Variants in FBXL7 observed in about 807,000 individuals in gnomAD.
FBXL7 encodes the protein F-box and leucine rich repeat protein 7, also known as F-box/LRR-repeat protein 7.
Under a neutral mutation model 38.3 loss-of-function variants are expected in FBXL7, and 12 were observed. The observed-to-expected ratio is 0.31, with a 90% confidence interval of 0.20 to 0.51. The LOEUF (loss-of-function observed/expected upper bound fraction) is 0.51, where lower values mean the gene tolerates loss of function less well. Among genes scored for constraint, FBXL7 ranks in the 20% least tolerant of loss-of-function variants. The pLI, the probability that FBXL7 is intolerant of heterozygous loss-of-function variation, is 0.98. For synonymous variants in FBXL7, 297 were observed against 300.9 expected (o/e 0.99, Z 0.13); for missense variants, 567 against 676.4 (o/e 0.84, Z 1.79).
chr5:15,667,262 C>T (rs1742312569), intron 2 of FBXL7, among the ~76,000 whole-genome samples: 1 of 152,108 alleles, frequency 6.6e-6, no homozygotes, highest in African/African-American at 2.4e-5. Context: ...GAACTTTGGT[C>T]TCAAACTTAA....
intron 1 of FBXL7, among the ~76,000 whole-genome samples, chr5:15,559,141 A>T (rs1424505880): frequency 6.6e-6 from 1 of 152,204 alleles, no homozygotes; most frequent in Non-Finnish European, 1.5e-5. Flanking sequence ...GCACAGGAAC[A>T]TAAAAGATGG....
Position 15,874,069 on chromosome 5 carries a change from C to T in FBXL7, c.128-53821C>T, listed in dbSNP as rs555743152. Reference sequence around the variant, plus strand: ...AGTAGCACATTAAAAAGCTTATCCACCACAATCAAGTCAGCTTCATCCCTG... The same window carrying T: ...AGTAGCACATTAAAAAGCTTATCCATCACAATCAAGTCAGCTTCATCCCTG... On this transcript the variant is annotated intron_variant, in intron 2 of 3. Transcript: ENST00000504595. 1.2e-4 allele frequency among the ~76,000 whole-genome samples: 18 copies of T among 152,260 alleles called. No individual in the cohort carries two copies. The South Asian group carries it at 2.1e-3, about 18-fold the overall frequency.
At chr5:15,638,516 G>T (rs1199931511) in intron 2 of FBXL7, among the ~76,000 whole-genome samples, 1 of 152,072 alleles carries the variant, frequency 6.6e-6, no homozygotes, top group Non-Finnish European at 1.5e-5. Flanking sequence ...GATGCAAATT[G>T]AGGTTTGAGA....
At chr5:15,668,263 C>A (rs768226491) in intron 2 of FBXL7, among the ~76,000 whole-genome samples, 1 of 152,158 alleles carries the variant, frequency 6.6e-6, no homozygotes, top group African/African-American at 2.4e-5. Flanking sequence ...GCATTGTTAA[C>A]TGAAAAATCC....
chr5:15,590,169 C>T (rs1380149041), intron 1 of FBXL7, among the ~76,000 whole-genome samples: 1 of 152,150 alleles, frequency 6.6e-6, no homozygotes, highest in Admixed American at 6.5e-5. Flanking sequence ...ACGTTTACTC[C>T]TCTGAACACT....
intron 1 of FBXL7, among the ~76,000 whole-genome samples, chr5:15,603,389 C>G (rs1739870783): frequency 6.6e-6 from 1 of 152,038 alleles, no homozygotes; most frequent in Admixed American, 6.6e-5. Context: ...TTTTTTTTCT[C>G]ATGATACTTC....
At chr5:15,735,663 G>C (rs912692813) in intron 2 of FBXL7, among the ~76,000 whole-genome samples, 3 of 152,202 alleles carry the variant, frequency 2.0e-5, no homozygotes, top group African/African-American at 7.2e-5. Flanking sequence ...TAGAATAGAG[G>C]TTAAATGTAA....
chr5:15,628,813 T>A (rs753429916), intron 2 of FBXL7, among the ~76,000 whole-genome samples: 14 of 152,266 alleles, frequency 9.2e-5, no homozygotes, highest in South Asian at 2.1e-4. Flanking sequence ...TTTTACAACT[T>A]CTTCTGTGGA....
chr5:15,624,005 C>G (rs947169081), intron 2 of FBXL7, among the ~76,000 whole-genome samples: 8 of 152,162 alleles, frequency 5.3e-5, no homozygotes, highest in African/African-American at 1.9e-4. Flanking sequence ...GTCAGCGAAA[C>G]TGAATTTCAT....
At chr5:15,677,620 A>C (rs527990563) in intron 2 of FBXL7, among the ~76,000 whole-genome samples, 1 of 152,104 alleles carries the variant, frequency 6.6e-6, no homozygotes, top group South Asian at 2.1e-4. Flanking sequence ...AAAAGGTGTG[A>C]GCACTAACTG....
intron 2 of FBXL7, among the ~76,000 whole-genome samples, chr5:15,845,090 A>G (rs1047584346): frequency 1.3e-5 from 2 of 152,150 alleles, no homozygotes; most frequent in Non-Finnish European, 2.9e-5. Flanking sequence ...ACTGCTTCCC[A>G]CTTTCTCTTC....
At chr5:15,935,889 A>T (rs1742169634) in intron 3 of FBXL7, among the ~76,000 whole-genome samples, 1 of 152,212 alleles carries the variant, frequency 6.6e-6, no homozygotes, top group South Asian at 2.1e-4. Flanking sequence ...AGCAACGTTA[A>T]GCCTCCTGCC....
intron 2 of FBXL7, among the ~76,000 whole-genome samples, chr5:15,748,186 G>A (rs541227973): frequency 5.9e-5 from 9 of 152,244 alleles, no homozygotes; most frequent in Middle Eastern, 6.8e-3. Context: ...TAGAGAGTAG[G>A]GATGCTGTTT....
At chr5:15,854,465 T>A (rs901805295) in intron 2 of FBXL7, among the ~76,000 whole-genome samples, 2 of 152,204 alleles carry the variant, frequency 1.3e-5, no homozygotes, top group African/African-American at 4.8e-5. Flanking sequence ...GAATGTTAAT[T>A]ACATTAGCAT....
chr5:15,700,406 T>C (rs1257542188), intron 2 of FBXL7, among the ~76,000 whole-genome samples: 1 of 152,244 alleles, frequency 6.6e-6, no homozygotes, highest in Non-Finnish European at 1.5e-5. Context: ...AAAGTAATTG[T>C]AGGCTTCTGC....
chr5:15,673,024 G>A (rs1742532372), intron 2 of FBXL7, among the ~76,000 whole-genome samples: 1 of 151,830 alleles, frequency 6.6e-6, no homozygotes, highest in South Asian at 2.1e-4. Flanking sequence ...AGTTTCCTTG[G>A]ATCCTTAAAA....
intron 2 of FBXL7, among the ~76,000 whole-genome samples, chr5:15,801,889 A>C (rs1477299698): frequency 6.6e-6 from 1 of 152,006 alleles, no homozygotes; most frequent in Non-Finnish European, 1.5e-5. Flanking sequence ...GCATTTGATG[A>C]ACTTTTTGAG....
chr5:15,766,735 T>TGA (rs1736601168), intron 2 of FBXL7, among the ~76,000 whole-genome samples: 2 of 152,242 alleles, frequency 1.3e-5, no homozygotes, highest in Admixed American at 1.3e-4. Context: ...TCTACTTATT[T>TGA]TGTCTCAGAT....
intron 1 of FBXL7, among the ~76,000 whole-genome samples, chr5:15,556,640 G>T (rs1322610621): frequency 2.0e-5 from 3 of 152,020 alleles, no homozygotes; most frequent in Non-Finnish European, 2.9e-5. Flanking sequence ...TACATATATG[G>T]GAGTACTCAG....
Sources: allele counts gnomAD v4.1 joint callset (sites outside exome capture counted in the v4.1 genomes callset), GRCh38; gene constraint gnomAD v4.1.1; transcripts MANE v1.5; gene names NCBI Gene and HGNC (gene_info 2026-07-23, HGNC 2026-07-21).